BICC1: variants seen among roughly 807,000 people sequenced by gnomAD.
BICC1 encodes BicC family RNA binding protein 1, also known as protein bicaudal C homolog 1.
In BICC1, 43 loss-of-function variants were observed where a neutral mutation model predicts 111.0. The observed-to-expected ratio is 0.39, with a 90% CI of 0.30 to 0.50. The LOEUF is 0.50. BICC1 is among the 20% of genes least tolerant of loss of function. BICC1 has a pLI of 0.88. For synonymous variants in BICC1, 467 were observed against 434.4 expected, an observed-to-expected ratio of 1.07 and a Z score of -0.93; for missense variants, 1,091 against 1,203.2, an observed-to-expected ratio of 0.91 and a Z score of 1.38.
intron 2 of BICC1, among the ~76,000 whole-genome samples, chr10:58,683,100 T>C (rs1589015667): frequency 6.6e-6 from 1 of 152,344 alleles, no homozygotes; most frequent in East Asian, 1.9e-4. Flanking sequence ...TTTCTACATA[T>C]GGCTAGCCAG....
At chr10:58,693,646 G>T (rs547065431) in intron 2 of BICC1, among the ~76,000 whole-genome samples, 2 of 151,784 alleles carry the variant, frequency 1.3e-5, no homozygotes, top group East Asian at 3.9e-4. Context: ...TCTTTTGGCT[G>T]CATAAATGTC....
At chr10:58,758,238 A>G (rs1842201512) in intron 3 of BICC1, among the ~76,000 whole-genome samples, 1 of 152,160 alleles carries the variant, frequency 6.6e-6, no homozygotes, top group Admixed American at 6.5e-5. Context: ...TCCATTCATA[A>G]GTTTGCGGTT....
intron 1 of BICC1, among the ~76,000 whole-genome samples, chr10:58,540,605 T>C (rs1842939047): frequency 6.6e-6 from 1 of 151,798 alleles, no homozygotes; most frequent in Non-Finnish European, 1.5e-5. Context: ...GGTAAGGAGA[T>C]TGAATCAGCA....
chr10:58,746,872 A>T (rs977199399), intron 3 of BICC1, among the ~76,000 whole-genome samples: 1 of 152,202 alleles, frequency 6.6e-6, no homozygotes, highest in Non-Finnish European at 1.5e-5. Flanking sequence ...CAGGGAAATA[A>T]TTCATTGTCT....
chr10:58,763,356 G>C (rs755750566), intron 3 of BICC1, among the ~76,000 whole-genome samples: 1 of 152,178 alleles, frequency 6.6e-6, no homozygotes, highest in Non-Finnish European at 1.5e-5. Context: ...AAAACTGTGA[G>C]AGTATAGCCA....
chr10:58,669,795 A>G (rs1839126243), intron 2 of BICC1, among the ~76,000 whole-genome samples: 1 of 152,132 alleles, frequency 6.6e-6, no homozygotes, highest in African/African-American at 2.4e-5. Context: ...TTTTTTCTGA[A>G]TTAACATGGT....
intron 2 of BICC1, among the ~76,000 whole-genome samples, chr10:58,678,007 C>G (rs1188830045): frequency 6.6e-6 from 1 of 152,158 alleles, no homozygotes; most frequent in Non-Finnish European, 1.5e-5. Flanking sequence ...GATATTGTCA[C>G]CACCAGGCCT....
intron 17 of BICC1, among the ~76,000 whole-genome samples, chr10:58,812,536 T>C (rs1455124702): frequency 6.6e-6 from 1 of 151,740 alleles, no homozygotes; most frequent in Non-Finnish European, 1.5e-5. Context: ...TGAAGTGCAG[T>C]GGCATGATCT....
At chr10:58,698,510 G>A (rs145316537) in intron 2 of BICC1, among the ~76,000 whole-genome samples, 25 of 152,192 alleles carry the variant, frequency 1.6e-4, no homozygotes, top group African/African-American at 5.3e-4. Context: ...ACCCACGACC[G>A]GGTTAGGATC....
intron 14 of BICC1, among the ~76,000 whole-genome samples, chr10:58,801,830 T>G (rs1843557162): frequency 6.6e-6 from 1 of 152,212 alleles, no homozygotes; most frequent in East Asian, 1.9e-4. Flanking sequence ...CCAGTTCTCC[T>G]TTATCTGTGT....
intron 3 of BICC1, among the ~76,000 whole-genome samples, chr10:58,718,771 CGCGCGT>C (rs1190090799): frequency 1.9e-4 from 28 of 148,730 alleles, no homozygotes; most frequent in African/African-American, 7.1e-4. Flanking sequence ...TGTGTGCGCG[CGCGCGT>C]GCGCGCGTGC....
chr10:58,650,341 G>C (rs1838407400), intron 2 of BICC1: 1 of 152,096 alleles, frequency 6.6e-6, no homozygotes, highest in Non-Finnish European at 1.5e-5. Flanking sequence ...ACATTTCACT[G>C]GACTGAGTTT....
chr10:58,574,936 CTG>C (rs959910478), intron 1 of BICC1, among the ~76,000 whole-genome samples: 2 of 152,082 alleles, frequency 1.3e-5, no homozygotes, highest in Middle Eastern at 3.4e-3. Context: ...CTGAAAAACT[CTG>C]TGTACATTTG....
intron 1 of BICC1, among the ~76,000 whole-genome samples, chr10:58,613,405 GAAGT>G (rs1189499643): frequency 6.6e-6 from 1 of 152,158 alleles, no homozygotes; most frequent in Non-Finnish European, 1.5e-5. Context: ...AGACTCAATA[GAAGT>G]ATTTTACCAC....
chr10:58,682,554 G>A (rs1356404686), intron 2 of BICC1, among the ~76,000 whole-genome samples: 10 of 152,086 alleles, frequency 6.6e-5, no homozygotes, highest in African/African-American at 2.2e-4. Context: ...TTTAATGATT[G>A]CCATTCTAAC....
Position 58,621,952 on chromosome 10 carries a change from AAT to A in BICC1, c.237+1053_237+1054del, listed in dbSNP as rs1491357791. Among the ~76,000 whole-genome samples, 223 of 138,308 alleles carry A rather than the reference AAT, an allele frequency of 1.6e-3. 24 individuals carry two copies. The highest frequency in any genetic ancestry group is 2.0e-3 in the Non-Finnish European group (124 of 62,920). 90.7% of individuals were successfully genotyped at this position (138,308 alleles called of 152,430 possible). A position where few individuals can be genotyped will look rare whatever the true frequency, so the allele number is the denominator to read the frequency against. ...AATAGAATAGAATAGAATAGAATAG[AAT>A]AGAATAGAATAGAATAATCCAGCCT... On this transcript the variant is annotated intron_variant, in intron 2 of 20. Coordinates refer to ENST00000373886, the MANE Select transcript of BICC1 (RefSeq NM_001080512.3).
At chr10:58,689,887 T>C (rs918237018) in intron 2 of BICC1, among the ~76,000 whole-genome samples, 5 of 152,174 alleles carry the variant, frequency 3.3e-5, no homozygotes, top group Non-Finnish European at 7.3e-5. Context: ...TATGACACTT[T>C]TCAGTTTTAG....
chr10:58,598,917 G>A (rs549367940), intron 1 of BICC1, among the ~76,000 whole-genome samples: 5 of 152,224 alleles, frequency 3.3e-5, no homozygotes, highest in African/African-American at 1.2e-4. Flanking sequence ...CATCATTACT[G>A]GTCATTAGAG....
chr10:58,684,432 A>C (rs1839644041), intron 2 of BICC1, among the ~76,000 whole-genome samples: 1 of 152,178 alleles, frequency 6.6e-6, no homozygotes, highest in South Asian at 2.1e-4. Context: ...TTTGATTGGA[A>C]TAGTTTTAGA....
Sources: allele counts gnomAD v4.1 joint callset (sites outside exome capture counted in the v4.1 genomes callset), GRCh38; gene constraint gnomAD v4.1.1; transcripts MANE v1.5; gene names NCBI Gene and HGNC (gene_info 2026-07-23, HGNC 2026-07-21).